RAP1GAP2: variants seen among roughly 807,000 people sequenced by gnomAD.
RAP1GAP2 encodes the protein RAP1 GTPase activating protein 2, also known as rap1 GTPase-activating protein 2.
Under a neutral mutation model 95.0 loss-of-function variants are expected in RAP1GAP2, and 27 were observed. The observed-to-expected ratio is 0.28, with a 90% CI of 0.21 to 0.39. The LOEUF (loss-of-function observed/expected upper bound fraction) is 0.39. RAP1GAP2 is among the 10% of genes least tolerant of loss of function. The pLI is 1.00. For missense variants in RAP1GAP2, 771 were observed against 970.0 expected (o/e 0.79, Z 2.72); for synonymous variants, 373 against 380.9 (o/e 0.98, Z 0.24).
At chr17:2,800,687 TC>T in intron 2 of RAP1GAP2, 137 bp downstream of exon 2, 2 of 948,166 alleles carry the variant, frequency 2.1e-6, no homozygotes, top group Non-Finnish European at 3.3e-6. Flanking sequence ...CCATGGTGCT[TC>T]CAGATCGGAG....
intron 10 of RAP1GAP2, among the ~76,000 whole-genome samples, chr17:2,984,425 A>G (rs1346574044): frequency 2.6e-5 from 4 of 152,224 alleles, no homozygotes; most frequent in Non-Finnish European, 5.9e-5. Context: ...TATGATGCGT[A>G]ACGGAAAATT....
At chr17:3,028,790 T>A (rs1053631537) in intron 22 of RAP1GAP2, among the ~76,000 whole-genome samples, 1 of 151,992 alleles carries the variant, frequency 6.6e-6, no homozygotes, top group Non-Finnish European at 1.5e-5. Context: ...TAAAAGGGGG[T>A]GGAAATACAA....
intron 3 of RAP1GAP2, among the ~76,000 whole-genome samples, chr17:2,905,939 G>A (rs968902997): frequency 6.6e-6 from 1 of 152,220 alleles, no homozygotes; most frequent in Admixed American, 6.5e-5. Flanking sequence ...GGGAGCCGAG[G>A]GAGCAGTGCC....
At position 2,963,430 on chromosome 17, in the gene RAP1GAP2, G is replaced by A; in HGVS notation, c.247G>A (p.Asp83Asn). 1.2e-6 allele frequency: 2 copies of A among 1,613,816 alleles called. No homozygotes were observed. Among genetic ancestry groups the A allele is most frequent in the Non-Finnish European group, 1.7e-6 (2 of 1,179,810 alleles). The part of the protein sequence containing the change: ...EQKPGPQKNK[D>N]DYIPYPSIDE... ...TGGCATCATCTGGTTTGTCTTGCAGGACGACTATATCCCATACCCCAGCAT... is the reference window on the plus strand; with the variant it reads ...TGGCATCATCTGGTTTGTCTTGCAGAACGACTATATCCCATACCCCAGCAT... The change falls in exon 6 of 25, where the codon GAC (aspartate) becomes AAC (asparagine). Residue 83 changes from aspartate to asparagine, a missense_variant and splice_region_variant. Transcript: ENST00000254695. This position sits in a 1 kb window ranked among gnomAD's most constrained non-coding sequence, Gnocchi z 4.8.
intron 2 of RAP1GAP2, chr17:2,853,887 G>A (rs1262602465): frequency 1.0e-6 from 1 of 974,268 alleles, no homozygotes; most frequent in Non-Finnish European, 1.2e-6. Context: ...CCCATGCGAG[G>A]CGGAGGCCGG....
At chr17:2,923,703 C>G (rs1035194943) in intron 3 of RAP1GAP2, among the ~76,000 whole-genome samples, 1 of 151,748 alleles carries the variant, frequency 6.6e-6, no homozygotes, top group African/African-American at 2.4e-5. Context: ...ATGAAACACC[C>G]CAGACAATTT....
At chr17:2,781,948 G>T (rs2068671976) in intron 1 of RAP1GAP2, among the ~76,000 whole-genome samples, 1 of 152,196 alleles carries the variant, frequency 6.6e-6, no homozygotes, top group African/African-American at 2.4e-5. Flanking sequence ...AGGTCTCTGT[G>T]TGTGCATGTC....
intron 1 of RAP1GAP2, among the ~76,000 whole-genome samples, chr17:2,787,698 G>A (rs1342248607): frequency 6.6e-6 from 1 of 152,138 alleles, no homozygotes; most frequent in Non-Finnish European, 1.5e-5. Flanking sequence ...CTCCCGAGTA[G>A]CTGGGAATAC....
intron 2 of RAP1GAP2, chr17:2,853,958 G>C: frequency 1.0e-6 from 1 of 983,202 alleles, no homozygotes; most frequent in Non-Finnish European, 1.2e-6. Context: ...CTGCGGGGAC[G>C]CGGGCGGGCG....
chr17:2,948,124 G>A (rs566695241), intron 3 of RAP1GAP2, among the ~76,000 whole-genome samples: 48 of 152,330 alleles, frequency 3.2e-4, no homozygotes, highest in African/African-American at 1.0e-3. Context: ...GTACACGCTG[G>A]CCCGTGTGGT....
chr17:3,023,505 G>A (rs1294537871), intron 19 of RAP1GAP2, among the ~76,000 whole-genome samples: 3 of 152,206 alleles, frequency 2.0e-5, no homozygotes, highest in Non-Finnish European at 2.9e-5. Flanking sequence ...GGGCTTGCAG[G>A]ACAAGAGGCA....
intron 3 of RAP1GAP2, among the ~76,000 whole-genome samples, chr17:2,936,600 C>T (rs929577933): frequency 6.6e-6 from 1 of 152,080 alleles, no homozygotes; most frequent in Non-Finnish European, 1.5e-5. Flanking sequence ...AGTTACCCTC[C>T]CCCGGTGCCC....
At chr17:2,962,794 G>A (rs2044395515) in intron 5 of RAP1GAP2, 80 bp downstream of exon 5, 1 of 1,320,686 alleles carries the variant, frequency 7.6e-7, no homozygotes, top group African/African-American at 1.6e-5. Context: ...GGGCTGCCGG[G>A]ATGCTGGGGT....
At chr17:2,951,045 G>T (rs1484135315) in intron 3 of RAP1GAP2, among the ~76,000 whole-genome samples, 1 of 152,200 alleles carries the variant, frequency 6.6e-6, no homozygotes, top group African/African-American at 2.4e-5. Flanking sequence ...GCTGCCTCCT[G>T]TGTGTTTCTG....
Position 2,902,220 on chromosome 17 carries a change from C to CT in RAP1GAP2, c.81-3050dup, listed in dbSNP as rs775812605. On this transcript the variant is annotated intron_variant, in intron 2 of 24. Transcript: ENST00000254695. The surrounding 1 kb of genome is among the most constrained non-coding windows in gnomAD (Gnocchi z 4.1). ...TTTCTTCACATTGTTGCCTTCCCTT[C>CT]TTTTTTTTTTTTTTGAGATGGAGTC... Among the ~76,000 whole-genome samples the CT allele has an allele frequency of 0.023, 3,270 of 144,684 alleles. 71 individuals carry two copies. Among genetic ancestry groups the CT allele is most frequent in the African/African-American group, 0.057 (2,277 of 39,666 alleles). 94.9% of individuals were successfully genotyped at this position (144,684 alleles called of 152,430 possible).
chr17:2,940,707 C>T (rs2043463267), intron 3 of RAP1GAP2, among the ~76,000 whole-genome samples: 1 of 152,190 alleles, frequency 6.6e-6, no homozygotes, highest in Admixed American at 6.5e-5. Context: ...TTGGCAGACC[C>T]TTTGTGCCCG....
At chr17:2,914,264 C>G (rs891187178) in intron 3 of RAP1GAP2, among the ~76,000 whole-genome samples, 1 of 152,196 alleles carries the variant, frequency 6.6e-6, no homozygotes, top group African/African-American at 2.4e-5. Context: ...GTTCTCGCTG[C>G]TCTGCATCCT....
intron 2 of RAP1GAP2, among the ~76,000 whole-genome samples, chr17:2,800,829 TTTTCTTTTTC>T (rs1342246042): frequency 2.8e-5 from 4 of 143,664 alleles, no homozygotes; most frequent in Non-Finnish European, 6.0e-5. Context: ...TTTTTTTTCT[TTTTCTTTTTC>T]TTTCTTTCTT....
intron 2 of RAP1GAP2, among the ~76,000 whole-genome samples, chr17:2,853,214 G>T (rs2071955255): frequency 6.6e-6 from 1 of 152,054 alleles, no homozygotes; most frequent in Non-Finnish European, 1.5e-5. Context: ...CCATCCGCAA[G>T]CTCCCACCCG....
Sources: gnomAD v4.1 joint callset for allele counts (sites outside exome capture counted in the v4.1 genomes callset) on GRCh38, gnomAD v4.1.1 for gene constraint, Gnocchi (gnomAD v3.1) non-coding constraint, MANE v1.5 for transcripts, NCBI Gene and HGNC (gene_info 2026-07-23, HGNC 2026-07-21) for gene names.